Variants in FLRT1 observed in about 807,000 individuals in gnomAD.
FLRT1 encodes the protein leucine-rich repeat transmembrane protein FLRT1.
Under a neutral mutation model 30.9 loss-of-function variants are expected in FLRT1, and 14 were observed. The observed-to-expected ratio is 0.45, with a 90% CI of 0.30 to 0.71. FLRT1 has a LOEUF of 0.71. FLRT1 is among the 30% of genes least tolerant of loss of function. FLRT1 has a pLI of 0.08. For missense variants in FLRT1, 737 were observed against 949.2 expected (o/e 0.78, Z 2.94); for synonymous variants, 368 against 430.4 (o/e 0.85, Z 1.80).
At position 64,117,544 on chromosome 11, in the gene FLRT1, T is replaced by C. The variant is rs770341979; in HGVS notation, c.1277T>C (p.Ile426Thr). 6.2e-5 allele frequency: 99 copies of C among 1,603,680 alleles called. No homozygotes were observed. Among genetic ancestry groups the C allele is most frequent in the Middle Eastern group, 1.7e-4 (1 of 6,030 alleles). Residue 426 changes from isoleucine to threonine, a missense_variant, in exon 3 of 3, where the codon ATT becomes ACT. Coordinates refer to ENST00000682287, the MANE Select transcript of FLRT1 (RefSeq NM_013280.5). ...GGGCTGCGCCTCCCCGACTCCAACA[T>C]TGACTACCCCATGGCCACGGGTGAT... The part of the protein sequence containing the change: ...RPGLRLPDSN[I>T]DYPMATGDGA...
chr11:64,059,613 G>T (rs1943858104), intron 1 of FLRT1, among the ~76,000 whole-genome samples: 1 of 152,172 alleles, frequency 6.6e-6, no homozygotes. Context: ...AGGGGTCTCG[G>T]GGTACCTGGA....
chr11:64,115,511 T>C (rs748906462), intron 2 of FLRT1, among the ~76,000 whole-genome samples: 8 of 151,960 alleles, frequency 5.3e-5, no homozygotes, highest in Non-Finnish European at 8.8e-5. Flanking sequence ...TGTAAATACA[T>C]GAGAAAGTGA....
intron 1 of FLRT1, among the ~76,000 whole-genome samples, chr11:64,084,220 G>A (rs1430088479): frequency 6.6e-6 from 1 of 152,156 alleles, no homozygotes; most frequent in East Asian, 1.9e-4. Context: ...CCAGGCCTGG[G>A]GCAAAGCAGT....
At chr11:64,076,821 C>G (rs1319379745) in intron 1 of FLRT1, among the ~76,000 whole-genome samples, 2 of 152,210 alleles carry the variant, frequency 1.3e-5, no homozygotes, top group East Asian at 3.8e-4. Context: ...ACTGCGTGAG[C>G]AGCCCCCCGG....
intron 1 of FLRT1, among the ~76,000 whole-genome samples, chr11:64,101,097 G>C (rs1944662699): frequency 6.6e-6 from 1 of 152,072 alleles, no homozygotes; most frequent in African/African-American, 2.4e-5. Context: ...TTGCTGTCAT[G>C]GTTCACAGGA....
chr11:64,046,094 A>G (rs767026767), intron 1 of FLRT1, among the ~76,000 whole-genome samples: 3 of 75,288 alleles, frequency 4.0e-5, no homozygotes, highest in African/African-American at 8.8e-5. Flanking sequence ...CAGGCAGCCA[A>G]GGTCACACAG....
chr11:64,068,322 G>A (rs1944043328), intron 1 of FLRT1, among the ~76,000 whole-genome samples: 1 of 152,168 alleles, frequency 6.6e-6, no homozygotes, highest in South Asian at 2.1e-4. Context: ...CCACTCTTCC[G>A]CCTTTGGGGA....
Position 64,064,362 on chromosome 11 carries a change from T to C in FLRT1, c.-1038+28203T>C, listed in dbSNP as rs570916411. On this transcript the variant is annotated intron_variant, in intron 1 of 2. Transcript: ENST00000682287. The surrounding 1 kb of genome is among the most constrained non-coding windows in gnomAD (Gnocchi z 4.5). ...GGCCTGCCTGTCCAGGTAGATCCTA[T>C]GGGGCCACAGGCATTGGATGGAGGA... is the stretch of plus-strand genomic sequence containing the variant. Among the ~76,000 whole-genome samples, 231 of 152,146 alleles carry C rather than the reference T, an allele frequency of 1.5e-3. No homozygotes were observed. Among genetic ancestry groups the C allele is most frequent in the African/African-American group, 4.2e-3 (174 of 41,536 alleles).
intron 1 of FLRT1, among the ~76,000 whole-genome samples, chr11:64,078,989 T>C (rs1031927039): frequency 4.0e-5 from 6 of 151,032 alleles, no homozygotes; most frequent in African/African-American, 1.5e-4. Context: ...ACAAGGAACA[T>C]GGATTTGTTC....
Position 64,118,149 on chromosome 11 carries a change from C to G in FLRT1, c.1882C>G (p.Arg628Gly). 2 of 1,613,848 alleles carry G rather than the reference C, an allele frequency of 1.2e-6. No individual in the cohort carries two copies. The highest frequency in any genetic ancestry group is 1.7e-6 in the Non-Finnish European group (2 of 1,179,986). ...GCAGATGCTGCCCATCAACCCGTAC[C>G]GCGCCAAAGAAGAGTACGTGGTCCA... is the stretch of plus-strand genomic sequence containing the variant. ...GLQMLPINPY[R>G]AKEEYVVHTI... Residue 628 changes from arginine (R) to glycine (G), a missense_variant, in exon 3 of 3, where the codon CGC (arginine) becomes GGC (glycine). Arg to Gly is a moderately radical substitution (Grantham distance 125). Transcript: ENST00000682287.
In FLRT1 at chr11:64,090,359, T is replaced by TA. The variant is rs1347240378; in HGVS notation, c.-1037-12833dup. 6.6e-6 allele frequency among the ~76,000 whole-genome samples: 1 copy of TA among 152,230 alleles called. No individual in the cohort carries two copies. The highest frequency in any genetic ancestry group is 2.4e-5 in the African/African-American group (1 of 41,454). On this transcript the variant is annotated intron_variant, in intron 1 of 2. Coordinates refer to ENST00000682287, the MANE Select transcript of FLRT1 (RefSeq NM_013280.5). This position sits in a 1 kb window ranked among gnomAD's most constrained non-coding sequence, Gnocchi z 4.7. ...TCTTAGTGGGTAGGAAAGCCACAAA[T>TA]AAGTAAACTCAGGCAGCAGGGCACA...
chr11:64,041,374 T>C (rs1303547302), intron 1 of FLRT1, among the ~76,000 whole-genome samples: 2 of 151,798 alleles, frequency 1.3e-5, no homozygotes, highest in Non-Finnish European at 2.9e-5. Context: ...TGGGAAATGC[T>C]GCTCGGGAAA....
intron 1 of FLRT1, among the ~76,000 whole-genome samples, chr11:64,042,769 C>T (rs1021883047): frequency 2.0e-5 from 3 of 152,160 alleles, no homozygotes; most frequent in Non-Finnish European, 4.4e-5. Context: ...CCACTAGGTC[C>T]CTAGTAGCTG....
chr11:64,116,117 A>ACC, intron 2 of FLRT1, 102 bp from the exon 3 acceptor site: 1 of 1,249,912 alleles, frequency 8.0e-7, no homozygotes, highest in Non-Finnish European at 1.1e-6. Flanking sequence ...GACTTCGGTC[A>ACC]CCCCTTGGTA....
Position 64,116,375 on chromosome 11 carries a change from C to T in FLRT1, c.108C>T (p.Phe36=), listed in dbSNP as rs200588570. ...CCATGGACCTGCGGGACTGGCTGTT[C>T]CTCTGCTACGGGCTCATCGCCTTCC... is the stretch of plus-strand genomic sequence containing the variant. ...TATMDLRDWL[F]LCYGLIAFLT... The change falls in exon 3 of 3, where the codon TTC becomes TTT. Residue 36 remains phenylalanine, a synonymous_variant. Coordinates refer to ENST00000682287, the MANE Select transcript of FLRT1 (RefSeq NM_013280.5). 2,683 of 1,613,646 alleles carry T rather than the reference C, an allele frequency of 1.7e-3. 27 individuals carry two copies. The highest frequency in any genetic ancestry group is 8.2e-3 in the Middle Eastern group (50 of 6,062).
intron 2 of FLRT1, among the ~76,000 whole-genome samples, chr11:64,105,003 T>C (rs987730739): frequency 9.2e-5 from 14 of 152,176 alleles, no homozygotes; most frequent in Admixed American, 9.2e-4. Flanking sequence ...CTTCCCACGC[T>C]CTTCCTCAGG....
intron 1 of FLRT1, among the ~76,000 whole-genome samples, chr11:64,085,470 A>T (rs984113669): frequency 6.6e-6 from 1 of 152,206 alleles, no homozygotes; most frequent in Non-Finnish European, 1.5e-5. Flanking sequence ...GGACCAGGCC[A>T]TGTGTCTGGG....
chr11:64,083,246 G>A (rs1221870444), intron 1 of FLRT1, among the ~76,000 whole-genome samples: 5 of 152,126 alleles, frequency 3.3e-5, no homozygotes, highest in Non-Finnish European at 7.3e-5. Context: ...GACCAGCCTT[G>A]GCAACATGGT....
intron 1 of FLRT1, among the ~76,000 whole-genome samples, chr11:64,058,344 T>G (rs1943830689): frequency 6.6e-6 from 1 of 152,182 alleles, no homozygotes; most frequent in Admixed American, 6.5e-5. Context: ...GGCTGACGCT[T>G]AGAGGAGGCA....
Sources: gnomAD v4.1 joint callset for allele counts (sites outside exome capture counted in the v4.1 genomes callset) on GRCh38, gnomAD v4.1.1 for gene constraint, Gnocchi (gnomAD v3.1) non-coding constraint, MANE v1.5 for transcripts, NCBI Gene and HGNC (gene_info 2026-07-23, HGNC 2026-07-21) for gene names.